The following LMNB1 variants were observed in gnomAD, a reference collection of about 807,000 sequenced individuals.
The protein encoded by LMNB1 is lamin-B1.
Under a neutral mutation model 67.1 loss-of-function variants are expected in LMNB1, and 23 were observed. The observed-to-expected ratio is 0.34, with a 90% CI of 0.25 to 0.49. The LOEUF is 0.49. Ranked by LOEUF, LMNB1 falls within the 20% of genes least tolerant of loss-of-function variation. The pLI is 0.99. For synonymous variants in LMNB1, 281 were observed against 282.9 expected, an observed-to-expected ratio of 0.99 and a Z score of 0.07; for missense variants, 634 against 746.5, an observed-to-expected ratio of 0.85 and a Z score of 1.76.
chr5:126,825,669 A>C (rs910929707), intron 8 of LMNB1, among the ~76,000 whole-genome samples: 3 of 152,172 alleles, frequency 2.0e-5, no homozygotes, highest in African/African-American at 7.2e-5. Flanking sequence ...TACAGGTGCC[A>C]TTTCTACCCT....
Position 126,777,555 on chromosome 5 carries a change from G to A in LMNB1, c.47G>A (p.Gly16Asp). 3 of 1,454,184 alleles carry A rather than the reference G, an allele frequency of 2.1e-6. No homozygotes were observed. The highest frequency in any genetic ancestry group is 2.7e-6 in the Non-Finnish European group (3 of 1,099,358). 90.1% of individuals were successfully genotyped at this position (1,454,184 alleles called of 1,614,324 possible). ...CCGCCGCGGATGGGCAGCCGCGCTG[G>A]CGGCCCCACCACGCCGCTGAGCCCC... is the stretch of plus-strand genomic sequence containing the variant. Reference protein sequence around the residue: ...PVPPRMGSRAGGPTTPLSPTR... With the variant: ...PVPPRMGSRADGPTTPLSPTR... Residue 16 changes from glycine to aspartate, a missense_variant, in exon 1 of 11, where the codon GGC becomes GAC. Coordinates refer to ENST00000261366, the MANE Select transcript of LMNB1 (RefSeq NM_005573.4).
At chr5:126,799,313 C>T (rs1305897976) in intron 1 of LMNB1, among the ~76,000 whole-genome samples, 3 of 152,106 alleles carry the variant, frequency 2.0e-5, no homozygotes, top group Admixed American at 6.6e-5. Context: ...CGCCCGGCCG[C>T]GATGCATTGA....
At chr5:126,834,401 T>C (rs573580629) in intron 10 of LMNB1, among the ~76,000 whole-genome samples, 1 of 152,276 alleles carries the variant, frequency 6.6e-6, no homozygotes, top group South Asian at 2.1e-4. Flanking sequence ...AGATGGAGTT[T>C]CACCATGTTG....
At chr5:126,809,779 T>C (rs565699974) in intron 3 of LMNB1, among the ~76,000 whole-genome samples, 1 of 152,388 alleles carries the variant, frequency 6.6e-6, no homozygotes, top group African/African-American at 2.4e-5. Flanking sequence ...TTCCATGTGC[T>C]GTTTTTTCAG....
At chr5:126,787,548 T>TATATATATATATATATA (rs1348320183) in intron 1 of LMNB1, among the ~76,000 whole-genome samples, 3 of 63,542 alleles carry the variant, frequency 4.7e-5, no homozygotes, top group African/African-American at 2.0e-4. Context: ...ATATATATAT[T>TATATATATATATATATA]TTTTTTTTTT....
intron 5 of LMNB1, among the ~76,000 whole-genome samples, 168 bp downstream of exon 5, chr5:126,812,066 A>G (rs1751591276): frequency 6.6e-6 from 1 of 152,140 alleles, no homozygotes; most frequent in Non-Finnish European, 1.5e-5. Context: ...TTCATTTTGC[A>G]TTGCATAAAC....
At chr5:126,808,665 T>G (rs1751511969) in intron 3 of LMNB1, among the ~76,000 whole-genome samples, 1 of 152,170 alleles carries the variant, frequency 6.6e-6, no homozygotes. Context: ...ATTATTTGCT[T>G]CATGAAATAG....
intron 9 of LMNB1, among the ~76,000 whole-genome samples, chr5:126,828,767 T>C (rs1752060970): frequency 6.6e-6 from 1 of 151,776 alleles, no homozygotes; most frequent in East Asian, 1.9e-4. Context: ...TTTACCATAT[T>C]GGCCAGGATG....
intron 1 of LMNB1, among the ~76,000 whole-genome samples, chr5:126,782,454 C>T (rs1750655898): frequency 6.6e-6 from 1 of 152,168 alleles, no homozygotes; most frequent in South Asian, 2.1e-4. Context: ...TGAAAATAGA[C>T]CTGGTTTCAG....
chr5:126,787,535 TATATATA>T (rs1324078881), intron 1 of LMNB1, among the ~76,000 whole-genome samples: 35 of 96,086 alleles, frequency 3.6e-4, no homozygotes, highest in Non-Finnish European at 6.0e-4. Context: ...TATATATATA[TATATATA>T]TATATTTTTT....
intron 1 of LMNB1, among the ~76,000 whole-genome samples, chr5:126,785,760 T>C (rs570291169): frequency 6.6e-6 from 1 of 152,104 alleles, no homozygotes. Flanking sequence ...ATGCCTGCAA[T>C]CCCAGCACTT....
chr5:126,806,483 G>A (rs11748382), intron 3 of LMNB1, among the ~76,000 whole-genome samples: 44,432 of 151,966 alleles, frequency 0.29, 6,657 homozygotes, highest in East Asian at 0.32. Context: ...AACCTGGGCT[G>A]GAGGAATGGC....
chr5:126,804,238 C>CTTTTTTTTTTTTTTTTTTTTTTTT (rs61232506), intron 1 of LMNB1, among the ~76,000 whole-genome samples: 1 of 101,156 alleles, frequency 9.9e-6, no homozygotes. Flanking sequence ...GTGCCAGGCT[C>CTTTTTTTTTTTTTTTTTTTTTTTT]TTTTTTTTTT....
chr5:126,796,911 C>T (rs998904026), intron 1 of LMNB1, among the ~76,000 whole-genome samples: 7 of 151,872 alleles, frequency 4.6e-5, no homozygotes, highest in Non-Finnish European at 1.0e-4. Context: ...GCCTCAGCCT[C>T]CCGAGTAGCT....
At chr5:126,789,125 A>AGG (rs1217414488) in intron 1 of LMNB1, among the ~76,000 whole-genome samples, 1 of 151,980 alleles carries the variant, frequency 6.6e-6, no homozygotes, top group Non-Finnish European at 1.5e-5. Context: ...GAGCTCAAGC[A>AGG]ATCCGCCTGC....
intron 9 of LMNB1, among the ~76,000 whole-genome samples, chr5:126,827,817 A>G (rs192937069): frequency 9.2e-5 from 14 of 152,324 alleles, no homozygotes; most frequent in South Asian, 8.3e-4. Context: ...AAGGGAGGAA[A>G]GTATCTGTGA....
chr5:126,780,516 T>C (rs1750605158), intron 1 of LMNB1, among the ~76,000 whole-genome samples: 1 of 152,096 alleles, frequency 6.6e-6, no homozygotes, highest in Non-Finnish European at 1.5e-5. Context: ...ATGAGAATAA[T>C]GTGTATTAGA....
intron 5 of LMNB1, among the ~76,000 whole-genome samples, chr5:126,818,219 T>G (rs1023356620): frequency 2.0e-5 from 3 of 151,500 alleles, no homozygotes; most frequent in African/African-American, 7.3e-5. Flanking sequence ...TAGGTTTATT[T>G]TGTCAGTCAG....
intron 1 of LMNB1, among the ~76,000 whole-genome samples, chr5:126,790,136 C>T (rs1020702844): frequency 6.6e-6 from 1 of 152,100 alleles, no homozygotes; most frequent in African/African-American, 2.4e-5. Context: ...CAGTCTTGCT[C>T]TGTTGCCCAG....
Sources: gnomAD v4.1 joint callset for allele counts (sites outside exome capture counted in the v4.1 genomes callset) on GRCh38, gnomAD v4.1.1 for gene constraint, MANE v1.5 for transcripts, NCBI Gene and HGNC (gene_info 2026-07-23, HGNC 2026-07-21) for gene names.